Variants in GALNT3 observed in about 807,000 individuals in gnomAD.
GALNT3 encodes GalNAc transferase 3.
In GALNT3, 51 loss-of-function variants were observed where a neutral mutation model predicts 69.8. The observed-to-expected ratio is 0.73, with a 90% confidence interval of 0.58 to 0.92. The LOEUF (loss-of-function observed/expected upper bound fraction) is 0.92, where lower values mean the gene tolerates loss of function less well. Ranked by LOEUF, GALNT3 falls within the 40% of genes least tolerant of loss-of-function variation. The probability of loss-of-function intolerance (pLI) is 0.00; values close to 1 mark genes in which losing one functional copy is unlikely to be tolerated. For synonymous variants in GALNT3, 265 were observed against 248.5 expected (o/e 1.07, Z -0.63); for missense variants, 711 against 760.0 (o/e 0.94, Z 0.76).
chr2:165,754,316 C>A (rs542555518), intron 9 of GALNT3, among the ~76,000 whole-genome samples: 3 of 150,824 alleles, frequency 2.0e-5, no homozygotes, highest in South Asian at 4.2e-4. Flanking sequence ...CCTTGAACTC[C>A]CGGCCTCAAG....
rs1240383297 is a variant in GALNT3 at position 165,770,626 on chromosome 2, T to G, written c.75A>C (p.Ala25=). Residue 25 remains alanine (A), a synonymous_variant, in exon 2 of 11, where the codon GCA becomes GCC. Coordinates refer to ENST00000392701, the MANE Select transcript of GALNT3 (RefSeq NM_004482.4). ...HYHKKFWKLG[A]VIFFFIIVLV... ...AAACTATTATAAAGAAAAAAATTAC[T>G]GCACCAAGCTTCCAGAACTTTTTAT... 1 of 1,600,866 alleles carries G rather than the reference T, an allele frequency of 6.2e-7. No individual in the cohort carries two copies. Among genetic ancestry groups the G allele is most frequent in the South Asian group, 1.1e-5 (1 of 87,766 alleles).
At chr2:165,778,417 C>A (rs1243084105) in intron 1 of GALNT3, among the ~76,000 whole-genome samples, 2 of 152,088 alleles carry the variant, frequency 1.3e-5, no homozygotes, top group African/African-American at 4.8e-5. Flanking sequence ...AGATAGAAAC[C>A]ACATGCTAAT....
In GALNT3 at chr2:165,759,358, T is replaced by C. The variant is rs993908119; in HGVS notation, c.1051A>G (p.Lys351Glu). Residue 351 changes from lysine (K) to glutamate (E), a missense_variant, in exon 5 of 11, where the codon AAA (lysine) becomes GAA (glutamate). Coordinates refer to ENST00000392701, the MANE Select transcript of GALNT3 (RefSeq NM_004482.4). ...TACTTAATTGGGTAGGTTTCATCTT[T>C]CCTTCTTTGCTTCTCATGATCAGGA... ...SLPDHEKQRR[K>E]DETYPIKTPT... 3 of 1,613,782 alleles carry C rather than the reference T, an allele frequency of 1.9e-6. No homozygotes were observed. The highest frequency in any genetic ancestry group is 8.5e-7 in the Non-Finnish European group (1 of 1,179,820).
intron 7 of GALNT3, 107 bp downstream of exon 7, chr2:165,756,940 C>T: frequency 1.2e-6 from 1 of 862,616 alleles, no homozygotes; most frequent in Non-Finnish European, 1.9e-6. Flanking sequence ...AGTTAAAAAC[C>T]TACTTTCAAA....
intron 10 of GALNT3, among the ~76,000 whole-genome samples, chr2:165,749,149 C>A (rs765310017): frequency 6.6e-6 from 1 of 152,026 alleles, no homozygotes; most frequent in Non-Finnish European, 1.5e-5. Flanking sequence ...CATTTTCAAA[C>A]AAGAAGTATT....
rs182117541 is a variant in GALNT3, at chr2:165,789,131, C to T, written c.-109+4884G>A. 8.8e-4 allele frequency among the ~76,000 whole-genome samples: 134 copies of T among 152,244 alleles called. 1 individual carries two copies. Among genetic ancestry groups the T allele is most frequent in the African/African-American group, 3.1e-3 (127 of 41,550 alleles). ...CTAATGGTTGTTGTCTTAGTTCATG[C>T]TATAACAAAATACCTTAGACTGGGT... is the stretch of plus-strand genomic sequence containing the variant. On this transcript the variant is annotated intron_variant, in intron 1 of 10. Coordinates refer to ENST00000392701, the MANE Select transcript of GALNT3 (RefSeq NM_004482.4).
At chr2:165,775,205 A>T (rs980715589) in intron 1 of GALNT3, among the ~76,000 whole-genome samples, 3 of 152,108 alleles carry the variant, frequency 2.0e-5, no homozygotes, top group African/African-American at 4.8e-5. Context: ...AATTATCTAA[A>T]ATAAAATGTT....
chr2:165,762,968 C>CTTTT (rs3032482), intron 3 of GALNT3, among the ~76,000 whole-genome samples: 2 of 141,086 alleles, frequency 1.4e-5, no homozygotes, highest in African/African-American at 2.6e-5. Flanking sequence ...CTTTTCTTTT[C>CTTTT]TTTTTTTTTT....
intron 1 of GALNT3, among the ~76,000 whole-genome samples, chr2:165,778,539 G>C (rs537558762): frequency 1.3e-5 from 2 of 152,144 alleles, no homozygotes; most frequent in African/African-American, 4.8e-5. Context: ...TGTAAATACA[G>C]TATAAGGGGC....
intron 1 of GALNT3, among the ~76,000 whole-genome samples, chr2:165,778,406 G>A (rs1015919634): frequency 6.6e-6 from 1 of 152,166 alleles, no homozygotes; most frequent in Non-Finnish European, 1.5e-5. Context: ...GATTAGTAAG[G>A]AGATAGAAAC....
chr2:165,770,712 A>G lies in GALNT3; in HGVS notation c.-12T>C. On this transcript the variant is annotated 5_prime_UTR_variant, in exon 2 of 11. Transcript: ENST00000392701. The stretch of plus-strand genomic sequence containing the variant: ...TTTAGGTGAGCCATTCTGACATTAA[A>G]AGCTTGTCACTTGACAAATAACAGT... 6.2e-7 allele frequency: 1 copy of G among 1,600,918 alleles called. No homozygotes were observed. The highest frequency in any genetic ancestry group is 8.5e-7 in the Non-Finnish European group (1 of 1,179,442).
At chr2:165,769,549 T>C (rs1195377737) in intron 2 of GALNT3, among the ~76,000 whole-genome samples, 1 of 149,944 alleles carries the variant, frequency 6.7e-6, no homozygotes, top group African/African-American at 2.5e-5. Context: ...AGGTCAGGAG[T>C]TCAAGACCAG....
intron 3 of GALNT3, among the ~76,000 whole-genome samples, chr2:165,762,684 T>C (rs1261488127): frequency 6.6e-6 from 1 of 152,230 alleles, no homozygotes; most frequent in African/African-American, 2.4e-5. Flanking sequence ...TAGTATTGGG[T>C]ATATACTTTA....
intron 1 of GALNT3, among the ~76,000 whole-genome samples, chr2:165,772,221 C>A (rs375444442): frequency 2.8e-4 from 42 of 152,192 alleles, no homozygotes; most frequent in African/African-American, 8.9e-4. Flanking sequence ...CTTCAAGAAG[C>A]AGAATTGAAA....
intron 9 of GALNT3, among the ~76,000 whole-genome samples, chr2:165,754,217 G>C (rs1261403859): frequency 1.3e-5 from 2 of 151,374 alleles, no homozygotes; most frequent in African/African-American, 2.4e-5. Context: ...AGCCTCCCAA[G>C]TAGCTGGGAA....
rs745624780 is a variant in GALNT3, at chr2:165,762,052, A to G, written c.691T>C (p.Tyr231His). Residue 231 changes from tyrosine to histidine, a missense_variant and splice_region_variant, in exon 4 of 11, where the codon TAC becomes CAC. By Grantham distance (83) the Tyr-to-His change is moderately conservative (BLOSUM62 2). Transcript: ENST00000392701. ...TATTCATCTAGTTTATCATGTAAGT[A>G]CTCTGTAAGGAAAAAAAATCAGGGT... ...ILVDDASVDEYLHDKLDEYVK... is the reference protein window; with the variant it reads ...ILVDDASVDEHLHDKLDEYVK... 1 of 1,539,174 alleles carries G rather than the reference A, an allele frequency of 6.5e-7. No homozygotes were observed. The highest frequency in any genetic ancestry group is 9.0e-7 in the Non-Finnish European group (1 of 1,112,952).
chr2:165,776,268 G>A (rs868787513), intron 1 of GALNT3, among the ~76,000 whole-genome samples: 2 of 152,100 alleles, frequency 1.3e-5, no homozygotes, highest in East Asian at 1.9e-4. Flanking sequence ...AAAACAGCTC[G>A]TGAAACAAAA....
chr2:165,754,644 C>T lies in GALNT3; in HGVS notation c.1609G>A (p.Gly537Arg), dbSNP rs753948743. The T allele has an allele frequency of 7.4e-6, 12 of 1,612,608 alleles. No homozygotes were observed. The South Asian group carries it at 1.3e-4, about 18-fold the overall frequency. Reference protein sequence around the residue: ...GKPLIMYTCHGLGGNQYFEYS... With the variant: ...GKPLIMYTCHRLGGNQYFEYS... Reference sequence around the variant, plus strand: ...GTGCTCACCTGGTTTCCCCCAAGTCCATGACATGTATACATAATTAATGGT... The same window carrying T: ...GTGCTCACCTGGTTTCCCCCAAGTCTATGACATGTATACATAATTAATGGT... The change falls in exon 9 of 11, where the codon GGA becomes AGA. Residue 537 changes from glycine to arginine, a missense_variant. Gly to Arg is a moderately radical substitution (Grantham distance 125). Transcript: ENST00000392701.
intron 3 of GALNT3, among the ~76,000 whole-genome samples, chr2:165,762,350 C>A (rs1688566933): frequency 6.6e-6 from 1 of 151,968 alleles, no homozygotes. Flanking sequence ...ATGGAGTCAA[C>A]CCTAGCCGTT....
Sources: allele counts gnomAD v4.1 joint callset (sites outside exome capture counted in the v4.1 genomes callset), GRCh38; gene constraint gnomAD v4.1.1; transcripts MANE v1.5; gene names NCBI Gene and HGNC (gene_info 2026-07-23, HGNC 2026-07-21).